Variants in CDKL5 observed in about 807,000 individuals in gnomAD.
The protein encoded by CDKL5 is cyclin-dependent kinase-like 5.
CDKL5 carries 8 observed loss-of-function variants against 61.7 expected under a neutral mutation model. That is an observed-to-expected ratio of 0.13 (90% CI 0.08 to 0.23). The LOEUF is 0.23. Ranked by LOEUF, CDKL5 falls within the 10% of genes least tolerant of loss-of-function variation. CDKL5 has a pLI of 1.00. For missense variants in CDKL5, 440 were observed against 734.5 expected, an observed-to-expected ratio of 0.60 and a Z score of 4.63; for synonymous variants, 275 against 272.3, an observed-to-expected ratio of 1.01 and a Z score of -0.10.
At chrX:18,518,784 T>C (rs1468123122) in intron 3 of CDKL5, among the ~76,000 whole-genome samples, 3 of 108,846 alleles carry the variant, frequency 2.8e-5, no homozygotes, top group African/African-American at 1.0e-4. Flanking sequence ...GACATGATAG[T>C]GTGAAACCTT....
chrX:18,487,586 G>T (rs1267004386), intron 1 of CDKL5, among the ~76,000 whole-genome samples: 2 of 112,730 alleles, frequency 1.8e-5, no homozygotes, highest in African/African-American at 6.4e-5. Flanking sequence ...GGCATGAGCC[G>T]CTGTGCCTGG....
intron 3 of CDKL5, among the ~76,000 whole-genome samples, chrX:18,516,982 A>G (rs949081198): frequency 2.7e-5 from 3 of 111,151 alleles, no homozygotes; most frequent in African/African-American, 9.8e-5. Context: ...GTGATCCACA[A>G]CGCCTGGGCC....
intron 21 of CDKL5, chrX:18,650,682 C>T (rs1278156387): frequency 7.7e-5 from 78 of 1,007,895 alleles, no homozygotes; most frequent in Non-Finnish European, 9.7e-5. Context: ...GTTCAGGCCA[C>T]ACCCCCAGGG....
intron 1 of CDKL5, among the ~76,000 whole-genome samples, chrX:18,489,340 T>C (rs1921907032): frequency 9.0e-6 from 1 of 110,513 alleles, no homozygotes. Flanking sequence ...TTTGTATTTT[T>C]AGTAGAGACG....
In CDKL5 at chrX:18,651,022, C is replaced by A. The variant is rs745702108; in HGVS notation, c.2980+430C>A. On this transcript the variant is annotated intron_variant, in intron 21 of 21. Coordinates refer to the CDKL5 transcript ENST00000379989. ...TGAATTTGTGAGACTACGTTGATAA[C>A]CTTCTTGAATTTTGCATGTTTTTCT... 1.6e-4 allele frequency among the ~76,000 whole-genome samples: 18 copies of A among 111,262 alleles called. No homozygotes were observed. In the East Asian group the frequency reaches 4.8e-3, roughly 30 times the overall value.
At chrX:18,566,145 A>G (rs781116648) in intron 4 of CDKL5, among the ~76,000 whole-genome samples, 9 of 111,966 alleles carry the variant, frequency 8.0e-5, no homozygotes, top group African/African-American at 2.6e-4. Context: ...AATCTAGGCC[A>G]TGTATGCCAC....
At chrX:18,437,848 A>G (rs1432765495) in intron 1 of CDKL5, among the ~76,000 whole-genome samples, 6 of 112,063 alleles carry the variant, frequency 5.4e-5, no homozygotes, top group Non-Finnish European at 1.9e-5. Context: ...TCTTTGCCAT[A>G]CTAAGTTTGT....
At chrX:18,582,149 T>G (rs1244961106) in intron 7 of CDKL5, among the ~76,000 whole-genome samples, 199 bp downstream of exon 7, 2 of 111,564 alleles carry the variant, frequency 1.8e-5, no homozygotes, top group Non-Finnish European at 3.8e-5. Context: ...TTTTTAAAAT[T>G]TTATCATGGT....
chrX:18,531,791 CT>C (rs1209441990), intron 3 of CDKL5, among the ~76,000 whole-genome samples: 1 of 108,107 alleles, frequency 9.3e-6, no homozygotes, highest in Admixed American at 9.7e-5. Flanking sequence ...ACTGCAAGCT[CT>C]GCTTCCCGGG....
chrX:18,630,211 C>T lies in CDKL5; in HGVS notation c.*1454C>T. The T allele has an allele frequency of 6.6e-6, 5 of 753,490 alleles. No homozygotes were observed. Among genetic ancestry groups the T allele is most frequent in the Non-Finnish European group, 6.3e-6 (4 of 639,062 alleles). 62.1% of individuals were successfully genotyped at this position (753,490 alleles called of 1,213,427 possible). On this transcript the variant is annotated 3_prime_UTR_variant, in exon 18 of 18. Coordinates refer to ENST00000623535, the MANE Select transcript of CDKL5 (RefSeq NM_001323289.2). Reference sequence around the variant, plus strand: ...GTTACGCACACAACCCCCATCAGAACAGGACCTATCTTCCCCTCATCTGAT... The same window carrying T: ...GTTACGCACACAACCCCCATCAGAATAGGACCTATCTTCCCCTCATCTGAT...
chrX:18,646,013 G>T lies in CDKL5; in HGVS notation c.2720G>T (p.Gly907Val), dbSNP rs1303433955. 5 of 1,211,867 alleles carry T rather than the reference G, an allele frequency of 4.1e-6. No homozygotes were observed. In the East Asian group the frequency reaches 1.5e-4, roughly 36 times the overall value. ...GTTTCTCCCCACTAACTAGACGGTGGATGTGATGGCAGAAGACAGAGACAC... is the reference window on the plus strand; with the variant it reads ...GTTTCTCCCCACTAACTAGACGGTGTATGTGATGGCAGAAGACAGAGACAC... Residue 907 changes from glycine (G) to valine (V), a missense_variant, in exon 20 of 22, where the codon GGA becomes GTA. Gly to Val is a moderately radical substitution (Grantham distance 109, BLOSUM62 -3). Coordinates refer to the CDKL5 transcript ENST00000379989.
intron 1 of CDKL5, among the ~76,000 whole-genome samples, chrX:18,476,960 G>A (rs1182505607): frequency 8.9e-6 from 1 of 111,791 alleles, no homozygotes; most frequent in East Asian, 2.8e-4. Flanking sequence ...AGTAGAGATG[G>A]AGTTTCACCA....
chrX:18,612,389 C>T (rs1046995515), intron 14 of CDKL5, among the ~76,000 whole-genome samples: 2 of 111,175 alleles, frequency 1.8e-5, no homozygotes, highest in African/African-American at 6.6e-5. Context: ...ATACCCTGGC[C>T]GGGCGCGGTG....
intron 1 of CDKL5, among the ~76,000 whole-genome samples, chrX:18,488,252 A>G (rs1275707206): frequency 9.0e-6 from 1 of 111,387 alleles, no homozygotes; most frequent in Non-Finnish European, 1.9e-5. Context: ...AGCAGTGTAG[A>G]CGTTGCCAAC....
chrX:18,506,866 G>C, intron 1 of CDKL5, 69 bp from the exon 2 acceptor site: 1 of 373,780 alleles, frequency 2.7e-6, no homozygotes, highest in East Asian at 4.3e-5. Flanking sequence ...TCTACAAAAA[G>C]GTAAGATTGG....
chrX:18,488,083 G>T (rs1921856622), intron 1 of CDKL5, among the ~76,000 whole-genome samples: 1 of 111,438 alleles, frequency 9.0e-6, no homozygotes, highest in Admixed American at 9.5e-5. Context: ...GAGGAAATGG[G>T]GATTCTGGCC....
rs1602303776 is a variant in CDKL5, at chrX:18,634,209, C to G, written c.*5452C>G. The G allele has an allele frequency of 1.3e-6, 1 of 751,315 alleles. No homozygotes were observed. The highest frequency in any genetic ancestry group is 1.5e-4 in the East Asian group (1 of 6,563). The allele number at this position is 751,315 out of a possible 1,213,427, so 61.9% of individuals were successfully genotyped here. ...CACAGGGTATCAGGGAGAAAGAGGCCTTATCTGTTCCTCCATCCCCCCTGT... is the reference window on the plus strand; with the variant it reads ...CACAGGGTATCAGGGAGAAAGAGGCGTTATCTGTTCCTCCATCCCCCCTGT... On this transcript the variant is annotated 3_prime_UTR_variant, in exon 18 of 18. Coordinates refer to ENST00000623535, the MANE Select transcript of CDKL5 (RefSeq NM_001323289.2).
chrX:18,551,659 C>T (rs1407841480), intron 3 of CDKL5, among the ~76,000 whole-genome samples: 1 of 104,772 alleles, frequency 9.5e-6, no homozygotes, highest in Non-Finnish European at 1.9e-5. Context: ...CGTCTCGGCT[C>T]ACTGCAGCCT....
At chrX:18,614,078 T>G (rs1196423715) in intron 15 of CDKL5, among the ~76,000 whole-genome samples, 1 of 111,316 alleles carries the variant, frequency 9.0e-6, no homozygotes, top group Non-Finnish European at 1.9e-5. Flanking sequence ...GGGACATCAC[T>G]GTAAGACACT....
Sources: gnomAD v4.1 joint callset for allele counts (sites outside exome capture counted in the v4.1 genomes callset) on GRCh38, gnomAD v4.1.1 for gene constraint, MANE v1.5 for transcripts, NCBI Gene and HGNC (gene_info 2026-07-23, HGNC 2026-07-21) for gene names.